Variants in MPDZ observed in about 807,000 individuals in gnomAD.
The protein encoded by MPDZ is multiple PDZ domain protein.
MPDZ carries 234 observed loss-of-function variants against 239.1 expected under a neutral mutation model. The ratio of observed to expected loss-of-function variants is 0.98; its 90% CI spans 0.88 to 1.09. The LOEUF (loss-of-function observed/expected upper bound fraction) is 1.09, where lower values mean the gene tolerates loss of function less well. Among genes scored for constraint, MPDZ ranks in the 50% least tolerant of loss-of-function variants. The probability of loss-of-function intolerance (pLI) is 0.00; values close to 1 mark genes in which losing one functional copy is unlikely to be tolerated. For synonymous variants in MPDZ, 1,048 were observed against 881.3 expected (o/e 1.19, Z -3.35); for missense variants, 3,175 against 2,510.0 (o/e 1.26, Z -5.66).
At chr9:13,238,617 C>T (rs1420706877) in intron 3 of MPDZ, among the ~76,000 whole-genome samples, 1 of 152,048 alleles carries the variant, frequency 6.6e-6, no homozygotes, top group Non-Finnish European at 1.5e-5. Context: ...GTGTATTTAC[C>T]CCAGACAACA....
chr9:13,118,121 G>T (rs1252084130), intron 39 of MPDZ, among the ~76,000 whole-genome samples: 2 of 152,100 alleles, frequency 1.3e-5, no homozygotes, highest in Non-Finnish European at 2.9e-5. Context: ...TGGGATTACA[G>T]GCATGAGCCA....
chr9:13,216,836 T>G lies in MPDZ; in HGVS notation c.1228A>C (p.Ile410Leu), dbSNP rs1281885008. ...LEPSGIFVKSITKSSAVEHDG... is the reference protein window; with the variant it reads ...LEPSGIFVKSLTKSSAVEHDG... ...TGCTCAACGGCACTGCTTTTTGTAA[T>G]GCTCTTTACAAAGATTCCTGAAGGT... The change falls in exon 10 of 47, where the codon ATT becomes CTT. Residue 410 changes from isoleucine (I) to leucine (L), a missense_variant. Ile to Leu is a conservative substitution (Grantham distance 5). Coordinates refer to ENST00000319217, the MANE Select transcript of MPDZ (RefSeq NM_001378778.1). 1 of 1,609,950 alleles carries G rather than the reference T, an allele frequency of 6.2e-7. No homozygotes were observed. Among genetic ancestry groups the G allele is most frequent in the Non-Finnish European group, 8.5e-7 (1 of 1,177,798 alleles).
intron 27 of MPDZ, among the ~76,000 whole-genome samples, chr9:13,142,130 TA>T (rs1421296657): frequency 6.6e-6 from 1 of 152,108 alleles, no homozygotes; most frequent in Non-Finnish European, 1.5e-5. Context: ...TTTTAAAAGG[TA>T]AAACAAAAGC....
Position 13,110,697 on chromosome 9 carries a change from C to A in MPDZ, c.5768G>T (p.Gly1923Val). ...IVTICGTSTE[G>V]MTHTQAVNLL... is the part of the protein sequence containing the mutation. ...GTTAACTGCTTGGGTGTGAGTCATG[C>A]CCTCAGTGGATGTGCCACAGATGGT... The change falls in exon 44 of 47, where the codon GGC becomes GTC. Residue 1923 changes from glycine (G) to valine (V), a missense_variant. Transcript: ENST00000319217. 6.2e-7 allele frequency: 1 copy of A among 1,613,600 alleles called. No homozygotes were observed. Among genetic ancestry groups the A allele is most frequent in the African/African-American group, 1.3e-5 (1 of 75,018 alleles).
chr9:13,109,937 C>G lies in MPDZ; in HGVS notation c.5942+15G>C. On this transcript the variant is annotated intron_variant, in intron 45 of 46. Coordinates refer to ENST00000319217, the MANE Select transcript of MPDZ (RefSeq NM_001378778.1). ...AAGTGAAAAATGATACACTAATCATCATGTATGAACTCACCCTAAATCATC... is the reference window on the plus strand; with the variant it reads ...AAGTGAAAAATGATACACTAATCATGATGTATGAACTCACCCTAAATCATC... 1 of 1,587,714 alleles carries G rather than the reference C, an allele frequency of 6.3e-7. No individual in the cohort carries two copies. The highest frequency in any genetic ancestry group is 8.6e-7 in the Non-Finnish European group (1 of 1,159,148).
chr9:13,188,281 G>C (rs973928782), intron 17 of MPDZ, among the ~76,000 whole-genome samples: 1 of 152,136 alleles, frequency 6.6e-6, no homozygotes, highest in African/African-American at 2.4e-5. Flanking sequence ...ACTTTGGGAG[G>C]CTGAGGTAGG....
At chr9:13,209,216 G>A (rs1037638232) in intron 10 of MPDZ, among the ~76,000 whole-genome samples, 2 of 152,152 alleles carry the variant, frequency 1.3e-5, no homozygotes, top group African/African-American at 4.8e-5. Context: ...GCCATACTAA[G>A]CTGGGTTGCA....
intron 27 of MPDZ, among the ~76,000 whole-genome samples, chr9:13,142,841 T>C (rs2132595130): frequency 6.6e-6 from 1 of 152,306 alleles, no homozygotes; most frequent in South Asian, 2.1e-4. Context: ...GATGGCTTTC[T>C]TCCTTTTCAT....
At chr9:13,243,807 T>C (rs1021711902) in intron 3 of MPDZ, among the ~76,000 whole-genome samples, 26 of 152,182 alleles carry the variant, frequency 1.7e-4, no homozygotes, top group African/African-American at 6.0e-4. Flanking sequence ...CCTACACTTT[T>C]TGGGAGGAAA....
chr9:13,145,950 C>T (rs574076512), intron 26 of MPDZ, among the ~76,000 whole-genome samples: 3 of 151,932 alleles, frequency 2.0e-5, no homozygotes, highest in East Asian at 3.9e-4. Flanking sequence ...AAAATCCACC[C>T]ACACACAAAA....
At chr9:13,168,223 A>G in intron 22 of MPDZ, 143 bp downstream of exon 22, 1 of 768,082 alleles carries the variant, frequency 1.3e-6, no homozygotes. Flanking sequence ...ACTACTCAAA[A>G]ATAGTCAATT....
At chr9:13,144,607 G>C (rs1284419322) in intron 26 of MPDZ, among the ~76,000 whole-genome samples, 2 of 151,980 alleles carry the variant, frequency 1.3e-5, no homozygotes, top group Non-Finnish European at 2.9e-5. Context: ...ATAGGGAGAG[G>C]TTGTCATGTG....
chr9:13,243,719 GT>G (rs1229890350), intron 3 of MPDZ, among the ~76,000 whole-genome samples: 1 of 152,132 alleles, frequency 6.6e-6, no homozygotes, highest in Non-Finnish European at 1.5e-5. Flanking sequence ...TTCAAGAGTT[GT>G]CATAAAATTT....
chr9:13,216,802 C>A lies in MPDZ; in HGVS notation c.1262G>T (p.Arg421Ile). 6.2e-7 allele frequency: 1 copy of A among 1,609,916 alleles called. No homozygotes were observed. Among genetic ancestry groups the A allele is most frequent in the South Asian group, 1.1e-5 (1 of 90,816 alleles). ...TATAATTTGGTCTCCAATTTGGATTCTTCCATCATGCTCAACGGCACTGCT... is the reference window on the plus strand; with the variant it reads ...TATAATTTGGTCTCCAATTTGGATTATTCCATCATGCTCAACGGCACTGCT... ...TKSSAVEHDG[R>I]IQIGDQIIAV... Residue 421 changes from arginine (R) to isoleucine (I), a missense_variant, in exon 10 of 47, where the codon AGA (arginine) becomes ATA (isoleucine). Transcript: ENST00000319217.
At position 13,119,431 on chromosome 9, in the gene MPDZ, T is replaced by A. The variant is rs375940055; in HGVS notation, c.5379+71A>T. ...AGAGAAGTCATTACTAATTTGACTA[T>A]GATAGCCCAATGTTAAAATTATCTT... On this transcript the variant is annotated intron_variant, in intron 39 of 46. Coordinates refer to ENST00000319217, the MANE Select transcript of MPDZ (RefSeq NM_001378778.1). The A allele has an allele frequency of 3.3e-6, 5 of 1,519,436 alleles. No homozygotes were observed. In the East Asian group the frequency reaches 1.1e-4, roughly 34 times the overall value. 94.1% of individuals were successfully genotyped at this position (1,519,436 alleles called of 1,614,324 possible).
rs1941406827 is a variant in MPDZ, at chr9:13,105,939, A to G, written c.*1026T>C. 6.6e-6 allele frequency: 1 copy of G among 152,202 alleles called. No individual in the cohort carries two copies. Among genetic ancestry groups the G allele is most frequent in the Non-Finnish European group, 1.5e-5 (1 of 68,026 alleles). 9.4% of individuals were successfully genotyped at this position (152,202 alleles called of 1,614,324 possible). ...GTTTCCCTTAGTCTTAAACTATTGT[A>G]TTATAAGATGTTAATATAAGTCAAT... On this transcript the variant is annotated 3_prime_UTR_variant, in exon 47 of 47. Coordinates refer to ENST00000319217, the MANE Select transcript of MPDZ (RefSeq NM_001378778.1).
At chr9:13,119,369 G>A (rs1943983412) in intron 39 of MPDZ, 133 bp downstream of exon 39, 2 of 1,063,450 alleles carry the variant, frequency 1.9e-6, no homozygotes, top group African/African-American at 3.2e-5. Context: ...ATAGGCGTGA[G>A]CCATTGCACC....
At chr9:13,198,984 T>C (rs1956056328) in intron 12 of MPDZ, among the ~76,000 whole-genome samples, 1 of 151,952 alleles carries the variant, frequency 6.6e-6, no homozygotes, top group Non-Finnish European at 1.5e-5. Context: ...TATCTTTTGG[T>C]AGTACGGATA....
intron 39 of MPDZ, among the ~76,000 whole-genome samples, chr9:13,116,447 T>A (rs1310045935): frequency 6.6e-6 from 1 of 152,194 alleles, no homozygotes; most frequent in African/African-American, 2.4e-5. Context: ...GATATTATTA[T>A]TCAGTGATGA....
Sources: allele counts gnomAD v4.1 joint callset (sites outside exome capture counted in the v4.1 genomes callset), GRCh38; gene constraint gnomAD v4.1.1; transcripts MANE v1.5; gene names NCBI Gene and HGNC (gene_info 2026-07-23, HGNC 2026-07-21).